Variants in LINGO2 observed in about 807,000 individuals in gnomAD.
LINGO2 encodes leucine-rich repeat and immunoglobulin-like domain-containing nogo receptor-interacting protein 2.
LINGO2 carries 14 observed loss-of-function variants against 30.6 expected under a neutral mutation model. That is an observed-to-expected ratio of 0.46 (90% CI 0.30 to 0.72). LINGO2 has a LOEUF of 0.72. Among genes scored for constraint, LINGO2 ranks in the 30% least tolerant of loss-of-function variants. The pLI, the probability that LINGO2 is intolerant of heterozygous loss-of-function variation, is 0.07. For missense variants in LINGO2, 729 were observed against 751.7 expected (o/e 0.97, Z 0.35); for synonymous variants, 317 against 288.5 (o/e 1.10, Z -1.00).
intron 2 of LINGO2, among the ~76,000 whole-genome samples, chr9:28,429,560 AT>A (rs765920528): frequency 6.6e-6 from 1 of 152,152 alleles, no homozygotes; most frequent in Non-Finnish European, 1.5e-5. Flanking sequence ...AGGATGTTCA[AT>A]AGGTCAACCA....
At chr9:28,109,752 C>A (rs564176040) in intron 4 of LINGO2, among the ~76,000 whole-genome samples, 1 of 152,194 alleles carries the variant, frequency 6.6e-6, no homozygotes, top group South Asian at 2.1e-4. Context: ...AGGACACAAA[C>A]AAATGGAAAA....
At chr9:29,012,357 CA>C in the LINGO2 span, among the ~76,000 whole-genome samples, 25,502 of 146,920 alleles carry the variant, frequency 0.17, 2,311 homozygotes, top group South Asian at 0.2. Context: ...GATTCCATCT[CA>C]AAAAAAAAAA....
chr9:29,020,438 T>C, the LINGO2 span, among the ~76,000 whole-genome samples: 2 of 152,180 alleles, frequency 1.3e-5, no homozygotes, highest in African/African-American at 4.8e-5. Context: ...CAAGTGGAAA[T>C]ATTTCCAAGA....
At chr9:27,993,939 C>G (rs146507684) in intron 5 of LINGO2, among the ~76,000 whole-genome samples, 1 of 151,328 alleles carries the variant, frequency 6.6e-6, no homozygotes, top group East Asian at 2.0e-4. Flanking sequence ...AAAAAAAAAT[C>G]AAAATCTTAT....
At chr9:28,955,723 A>G in the LINGO2 span, among the ~76,000 whole-genome samples, 1 of 152,258 alleles carries the variant, frequency 6.6e-6, no homozygotes, top group South Asian at 2.1e-4. Flanking sequence ...CCCTTTAACC[A>G]TAATAGGGAA....
At position 28,278,139 on chromosome 9, in the gene LINGO2, T is replaced by C. The variant is rs891484272; in HGVS notation, c.-87+17069A>G. Among the ~76,000 whole-genome samples, 4 of 152,186 alleles carry C rather than the reference T, an allele frequency of 2.6e-5. No homozygotes were observed. The South Asian group carries it at 8.3e-4, about 31-fold the overall frequency. On this transcript the variant is annotated intron_variant, in intron 4 of 5. Transcript: ENST00000379992. ...AATCCAGAGCAAGACCCTGACTCAC[T>C]TTAATTCTATCAAGGTAAGAAAGCT... is the stretch of plus-strand genomic sequence containing the variant.
chr9:28,389,738 C>T (rs1379525296), intron 2 of LINGO2, among the ~76,000 whole-genome samples: 1 of 152,206 alleles, frequency 6.6e-6, no homozygotes. Context: ...GCATCCAGAA[C>T]TTTGCAATCA....
At chr9:28,481,043 A>C (rs1825943375) in intron 1 of LINGO2, among the ~76,000 whole-genome samples, 1 of 150,938 alleles carries the variant, frequency 6.6e-6, no homozygotes, top group Admixed American at 6.7e-5. Flanking sequence ...TCATTATCAA[A>C]AGATTTCTCA....
chr9:28,595,179 T>C (rs1344472693), intron 1 of LINGO2, among the ~76,000 whole-genome samples: 2 of 152,090 alleles, frequency 1.3e-5, no homozygotes, highest in Non-Finnish European at 2.9e-5. Context: ...AAAAACCCCT[T>C]TCAATGATAT....
chr9:27,985,717 G>A (rs1821092594), intron 5 of LINGO2, among the ~76,000 whole-genome samples: 1 of 150,112 alleles, frequency 6.7e-6, no homozygotes, highest in South Asian at 2.1e-4. Flanking sequence ...GAGAGAAAAA[G>A]GTAGCCTAAA....
At chr9:29,183,701 C>T in the LINGO2 span, among the ~76,000 whole-genome samples, 1 of 152,060 alleles carries the variant, frequency 6.6e-6, no homozygotes, top group Non-Finnish European at 1.5e-5. Context: ...TTGATCTCCT[C>T]TGCTGCTATT....
chr9:28,303,926 G>A lies in LINGO2; in HGVS notation c.-245-8560C>T, dbSNP rs867162356. Among the ~76,000 whole-genome samples the A allele has an allele frequency of 2.0e-5, 3 of 151,998 alleles. 1 individual carries two copies. In the East Asian group the frequency reaches 5.8e-4, roughly 29 times the overall value. The stretch of plus-strand genomic sequence containing the variant: ...AAAATCCACATGTAAGTGGACACAA[G>A]CAGTTCAAACCTGTGTTGTTTAAGG... On this transcript the variant is annotated intron_variant, in intron 3 of 5. Transcript: ENST00000379992.
chr9:28,814,126 A>G, the LINGO2 span, among the ~76,000 whole-genome samples: 1 of 152,194 alleles, frequency 6.6e-6, no homozygotes, highest in Non-Finnish European at 1.5e-5. Context: ...CTCAAATCAC[A>G]CATGTAATAA....
At chr9:28,197,041 G>T (rs1368648019) in intron 4 of LINGO2, among the ~76,000 whole-genome samples, 1 of 151,970 alleles carries the variant, frequency 6.6e-6, no homozygotes, top group African/African-American at 2.4e-5. Context: ...GTAACTAAAA[G>T]AGTGGAATTG....
In LINGO2 at chr9:28,584,821, CAT is replaced by C. The variant is rs1433524869; in HGVS notation, c.-365+85377_-365+85378del. On this transcript the variant is annotated intron_variant, in intron 1 of 5. Coordinates refer to ENST00000379992, the Ensembl canonical transcript of LINGO2. Reference sequence around the variant, plus strand: ...GCTATTATTTTGTCACTAAGTTTAACATATTTTTTCATTAATGAATGCTTAAT... The same window carrying C: ...GCTATTATTTTGTCACTAAGTTTAACATTTTTTCATTAATGAATGCTTAAT... Among the ~76,000 whole-genome samples, 3 of 152,122 alleles carry C rather than the reference CAT, an allele frequency of 2.0e-5. No individual in the cohort carries two copies. In the East Asian group the frequency reaches 5.8e-4, roughly 30 times the overall value.
At chr9:28,639,185 C>T (rs189289329) in intron 1 of LINGO2, among the ~76,000 whole-genome samples, 7 of 152,178 alleles carry the variant, frequency 4.6e-5, no homozygotes, top group South Asian at 2.1e-4. Flanking sequence ...GTCTGAGAGA[C>T]AGTTTGTTAT....
intron 1 of LINGO2, among the ~76,000 whole-genome samples, chr9:28,656,237 C>G (rs917455172): frequency 6.6e-6 from 1 of 151,440 alleles, no homozygotes; most frequent in Non-Finnish European, 1.5e-5. Flanking sequence ...TGTTCTAAAG[C>G]AAGTGGGTTA....
chr9:28,451,419 G>C (rs1331519674), intron 2 of LINGO2, among the ~76,000 whole-genome samples: 1 of 151,710 alleles, frequency 6.6e-6, no homozygotes, highest in African/African-American at 2.4e-5. Context: ...AAACAGGTTC[G>C]ATAAAGCTTT....
At chr9:28,404,414 T>C (rs987534694) in intron 2 of LINGO2, among the ~76,000 whole-genome samples, 2 of 152,204 alleles carry the variant, frequency 1.3e-5, no homozygotes, top group African/African-American at 4.8e-5. Context: ...ACAGGTAGTC[T>C]ATTTCAAGCA....
Sources: gnomAD v4.1 joint callset for allele counts (sites outside exome capture counted in the v4.1 genomes callset) on GRCh38, gnomAD v4.1.1 for gene constraint, MANE v1.5 for transcripts, NCBI Gene and HGNC (gene_info 2026-07-23, HGNC 2026-07-21) for gene names.